Variants in ERCC8 observed in about 807,000 individuals in gnomAD.
The protein encoded by ERCC8 is ERCC excision repair 8, CSA ubiquitin ligase complex subunit, also known as DNA excision repair protein ERCC-8.
Under a neutral mutation model 54.9 loss-of-function variants are expected in ERCC8, and 52 were observed. The observed-to-expected ratio is 0.95, with a 90% CI of 0.76 to 1.19. The LOEUF is 1.19. ERCC8 is among the 50% of genes most tolerant of loss of function. The pLI is 0.00. For synonymous variants in ERCC8, 146 were observed against 157.2 expected (o/e 0.93, Z 0.53); for missense variants, 514 against 466.1 (o/e 1.10, Z -0.95).
intron 2 of ERCC8, among the ~76,000 whole-genome samples, chr5:60,925,326 T>G (rs1301815341): frequency 6.6e-6 from 1 of 152,190 alleles, no homozygotes; most frequent in Admixed American, 6.5e-5. Context: ...TTCTATTGTC[T>G]CTGTACTGCT....
chr5:60,930,506 G>A (rs1021436609), intron 1 of ERCC8, among the ~76,000 whole-genome samples: 1 of 151,696 alleles, frequency 6.6e-6, no homozygotes, highest in African/African-American at 2.4e-5. Flanking sequence ...GCAGTAAGCC[G>A]AGATCACACC....
At chr5:60,921,929 C>T in intron 3 of ERCC8, 125 bp downstream of exon 3, 1 of 563,888 alleles carries the variant, frequency 1.8e-6, no homozygotes, top group Non-Finnish European at 3.1e-6. Flanking sequence ...AACAGCCATG[C>T]AAATGTGTTA....
At chr5:60,909,955 C>A in intron 4 of ERCC8, 2 of 146,474 alleles carry the variant, frequency 1.4e-5, no homozygotes, top group African/African-American at 2.5e-5. Flanking sequence ...AGCGAGACTC[C>A]GTCTAGAAAA....
intron 10 of ERCC8, among the ~76,000 whole-genome samples, chr5:60,888,704 G>A (rs1748466261): frequency 6.6e-6 from 1 of 152,178 alleles, no homozygotes; most frequent in Non-Finnish European, 1.5e-5. Context: ...CAAAATGTAA[G>A]TTACAAGTGC....
intron 1 of ERCC8, among the ~76,000 whole-genome samples, chr5:60,929,999 G>C (rs1312856772): frequency 6.6e-6 from 1 of 152,152 alleles, no homozygotes; most frequent in Non-Finnish European, 1.5e-5. Flanking sequence ...ATGCTGGAAA[G>C]GCATAAACTG....
In ERCC8 at chr5:60,869,961, G is replaced by A. The variant is rs1005201779; in HGVS notation, c.*4654C>T. On this transcript the variant is annotated 3_prime_UTR_variant, in exon 12 of 12. Transcript: ENST00000676185. ...CACTGGAGAGAAGTTATACATGATCGCTGCCTTCATAATAGATTCATTGAT... is the reference window on the plus strand; with the variant it reads ...CACTGGAGAGAAGTTATACATGATCACTGCCTTCATAATAGATTCATTGAT... Among the ~76,000 whole-genome samples the A allele has an allele frequency of 3.3e-5, 5 of 152,138 alleles. No individual in the cohort carries two copies. The highest frequency in any genetic ancestry group is 7.3e-5 in the Non-Finnish European group (5 of 68,030).
intron 8 of ERCC8, among the ~76,000 whole-genome samples, chr5:60,898,795 G>GAAA (rs10691070): frequency 9.5e-5 from 14 of 147,244 alleles, no homozygotes; most frequent in Non-Finnish European, 4.5e-5. Context: ...GTTTTCCATT[G>GAAA]AAAAAAAAAA....
intron 11 of ERCC8, among the ~76,000 whole-genome samples, chr5:60,880,196 C>A (rs1268067960): frequency 6.6e-6 from 1 of 152,192 alleles, no homozygotes; most frequent in Non-Finnish European, 1.5e-5. Flanking sequence ...TATTGGCCCC[C>A]ACTCTCTTCT....
intron 4 of ERCC8, among the ~76,000 whole-genome samples, chr5:60,916,543 T>C (rs920097979): frequency 3.3e-5 from 5 of 152,080 alleles, no homozygotes; most frequent in African/African-American, 1.2e-4. Flanking sequence ...TATTCCATTA[T>C]AGTCAGAAGT....
At chr5:60,911,136 G>A (rs777437387) in intron 4 of ERCC8, among the ~76,000 whole-genome samples, 11 of 152,150 alleles carry the variant, frequency 7.2e-5, no homozygotes, top group Non-Finnish European at 1.5e-4. Context: ...AGGTATATAT[G>A]TGCCATGTTG....
In ERCC8 at chr5:60,904,644, A is replaced by G. The variant is rs1343109578; in HGVS notation, c.481+148T>C. ...ATAGTGTGTGTGTGTGTATATATAT[A>G]TATATATATATATATATATATATAT... is the stretch of plus-strand genomic sequence containing the variant. On this transcript the variant is annotated intron_variant, in intron 5 of 11. Transcript: ENST00000676185. 8.6e-3 allele frequency: 567 copies of G among 65,876 alleles called. 9 individuals carry two copies. The highest frequency in any genetic ancestry group is 0.023 in the African/African-American group (205 of 8,990). The allele number at this position is 65,876 out of a possible 1,614,324, so 4.1% of individuals were successfully genotyped here. A position where few individuals can be genotyped will look rare whatever the true frequency, so the allele number is the denominator to read the frequency against.
At chr5:60,892,016 C>T (rs996543270) in intron 9 of ERCC8, 7 of 526,768 alleles carry the variant, frequency 1.3e-5, no homozygotes, top group African/African-American at 9.7e-5. Context: ...ATTTTATCTG[C>T]ACATTTCTGT....
At chr5:60,904,904 A>C (rs760543594) in intron 4 of ERCC8, 31 bp from the exon 5 acceptor site, 3 of 1,076,130 alleles carry the variant, frequency 2.8e-6, no homozygotes, top group East Asian at 2.4e-5. Context: ...AAAAAGTATA[A>C]GGTTTAAGTA....
intron 1 of ERCC8, among the ~76,000 whole-genome samples, chr5:60,937,946 CCT>C (rs1354170069): frequency 1.3e-5 from 2 of 151,314 alleles, no homozygotes; most frequent in African/African-American, 4.9e-5. Context: ...CTCTCATTCT[CCT>C]CTGTTTTAGT....
intron 10 of ERCC8, among the ~76,000 whole-genome samples, chr5:60,890,488 T>C (rs768862791): frequency 1.3e-5 from 2 of 152,176 alleles, no homozygotes; most frequent in African/African-American, 4.8e-5. Flanking sequence ...TTACTAGCCA[T>C]TGGTAGAAAA....
At chr5:60,914,100 A>G (rs568576568) in intron 4 of ERCC8, among the ~76,000 whole-genome samples, 53 of 152,222 alleles carry the variant, frequency 3.5e-4, no homozygotes, top group African/African-American at 1.2e-3. Context: ...GTAGATGTCT[A>G]TTAGGTCTGC....
intron 3 of ERCC8, among the ~76,000 whole-genome samples, chr5:60,920,649 T>G (rs763872466): frequency 1.3e-5 from 2 of 151,956 alleles, no homozygotes; most frequent in African/African-American, 4.8e-5. Context: ...TATAACTCAT[T>G]TTGTAAAGAT....
At chr5:60,924,219 C>T (rs1234908154) in intron 2 of ERCC8, 1 of 152,442 alleles carries the variant, frequency 6.6e-6, no homozygotes, top group Non-Finnish European at 1.5e-5. Context: ...TATTAGCAGA[C>T]AAACCAATAT....
At position 60,869,905 on chromosome 5, in the gene ERCC8, C is replaced by A. The variant is rs914731088; in HGVS notation, c.*4710G>T. Among the ~76,000 whole-genome samples the A allele has an allele frequency of 1.3e-5, 2 of 151,830 alleles. No homozygotes were observed. Among genetic ancestry groups the A allele is most frequent in the African/African-American group, 4.8e-5 (2 of 41,318 alleles). ...GGTGACGAAAGGACAGCCAAGACAG[C>A]GTGAAAGGAAAACATATAAAATGTA... On this transcript the variant is annotated 3_prime_UTR_variant, in exon 12 of 12. Transcript: ENST00000676185.
Sources: gnomAD v4.1 joint callset for allele counts (sites outside exome capture counted in the v4.1 genomes callset) on GRCh38, gnomAD v4.1.1 for gene constraint, MANE v1.5 for transcripts, NCBI Gene and HGNC (gene_info 2026-07-23, HGNC 2026-07-21) for gene names.